The following AGBL1 variants were observed in gnomAD, a reference collection of about 807,000 sequenced individuals.
AGBL1 encodes the protein AGBL carboxypeptidase 1.
AGBL1 carries 130 observed loss-of-function variants against 118.9 expected under a neutral mutation model. That is an observed-to-expected ratio of 1.09 (90% CI 0.95 to 1.26). The LOEUF is 1.26. Among genes scored for constraint, AGBL1 ranks in the 50% most tolerant of loss-of-function variants. AGBL1 has a pLI of 0.00. For synonymous variants in AGBL1, 555 were observed against 478.9 expected, an observed-to-expected ratio of 1.16 and a Z score of -2.08; for missense variants, 1,584 against 1,298.1, an observed-to-expected ratio of 1.22 and a Z score of -3.38.
chr15:86,835,934 GC>G (rs778233491), intron 22 of AGBL1, among the ~76,000 whole-genome samples: 114 of 152,078 alleles, frequency 7.5e-4, no homozygotes, highest in Non-Finnish European at 1.1e-3. Flanking sequence ...AGGTCTATGG[GC>G]CAGATCACAC....
chr15:86,657,684 A>G (rs2447280), intron 21 of AGBL1, among the ~76,000 whole-genome samples: 2 of 152,114 alleles, frequency 1.3e-5, no homozygotes, highest in Non-Finnish European at 2.9e-5. Context: ...ATCACAGTAT[A>G]ATTTATGTCT....
At chr15:86,798,624 A>G (rs1318482497) in intron 22 of AGBL1, among the ~76,000 whole-genome samples, 1 of 151,546 alleles carries the variant, frequency 6.6e-6, no homozygotes, top group Non-Finnish European at 1.5e-5. Context: ...TTTGATAAAT[A>G]TTATTTATTT....
intron 18 of AGBL1, among the ~76,000 whole-genome samples, chr15:86,517,562 T>C (rs997034538): frequency 1.3e-5 from 2 of 152,210 alleles, no homozygotes; most frequent in African/African-American, 4.8e-5. Flanking sequence ...GGCTTTCCCA[T>C]TTCTGGGCTC....
At position 86,256,874 on chromosome 15, in the gene AGBL1, A is replaced by C; in HGVS notation, c.757A>C (p.Met253Leu). 6.2e-7 allele frequency: 1 copy of C among 1,613,882 alleles called. No homozygotes were observed. The highest frequency in any genetic ancestry group is 8.5e-7 in the Non-Finnish European group (1 of 1,179,860). ...TTQNCLDDKSMEPVISVVLQI... is the reference protein window; with the variant it reads ...TTQNCLDDKSLEPVISVVLQI... ...TCAGAACTGCCTGGATGACAAGAGC[A>C]TGGAGCCCGTCATCTCTGTGGTGCT... Residue 253 changes from methionine to leucine, a missense_variant, in exon 8 of 23, where the codon ATG becomes CTG. Physicochemically the swap from Met to Leu is conservative, Grantham distance 15. Transcript: ENST00000614907.
chr15:86,357,051 C>T (rs895834613), intron 17 of AGBL1, among the ~76,000 whole-genome samples: 1 of 152,120 alleles, frequency 6.6e-6, no homozygotes, highest in South Asian at 2.1e-4. Flanking sequence ...AGAGCTTATT[C>T]GTGAATGAAA....
chr15:86,282,115 G>A (rs900077124), intron 16 of AGBL1, among the ~76,000 whole-genome samples: 1 of 152,030 alleles, frequency 6.6e-6, no homozygotes, highest in African/African-American at 2.4e-5. Flanking sequence ...CTTACCTTCT[G>A]GGCACAGTTT....
intron 5 of AGBL1, among the ~76,000 whole-genome samples, chr15:86,187,883 C>CT (rs2077658029): frequency 6.6e-6 from 1 of 152,196 alleles, no homozygotes; most frequent in African/African-American, 2.4e-5. Flanking sequence ...TTTTACGTTG[C>CT]TTTATTTCCC....
At chr15:86,143,573 T>C in intron 2 of AGBL1, 126 bp from the exon 3 acceptor site, 1 of 1,209,124 alleles carries the variant, frequency 8.3e-7, no homozygotes. Flanking sequence ...CTTCAAGAAC[T>C]ACATAATTTT....
At chr15:86,479,980 C>G (rs1303147591) in intron 18 of AGBL1, among the ~76,000 whole-genome samples, 1 of 151,328 alleles carries the variant, frequency 6.6e-6, no homozygotes, top group Non-Finnish European at 1.5e-5. Flanking sequence ...CAAACTATCG[C>G]AAGGACAAAA....
intron 5 of AGBL1, among the ~76,000 whole-genome samples, chr15:86,213,928 C>T (rs771775993): frequency 6.6e-6 from 1 of 152,134 alleles, no homozygotes; most frequent in Non-Finnish European, 1.5e-5. Context: ...ACTCCCCTTC[C>T]CCTCAACCCC....
chr15:86,551,265 G>C (rs1460979948), intron 20 of AGBL1, among the ~76,000 whole-genome samples: 2 of 151,952 alleles, frequency 1.3e-5, no homozygotes, highest in Non-Finnish European at 2.9e-5. Flanking sequence ...GAACAATAGA[G>C]AATCCATAAA....
chr15:86,484,342 G>A (rs557798339), intron 18 of AGBL1, among the ~76,000 whole-genome samples: 74 of 152,116 alleles, frequency 4.9e-4, no homozygotes, highest in Non-Finnish European at 6.5e-4. Context: ...GGAGGGCAGC[G>A]AATCATTTTT....
rs759400563 is a variant in AGBL1 at position 86,714,517 on chromosome 15, TG to T, written c.3158+40083del. 6.9e-4 allele frequency among the ~76,000 whole-genome samples: 105 copies of T among 152,188 alleles called. 1 individual carries two copies. The highest frequency in any genetic ancestry group is 4.6e-4 in the Admixed American group (7 of 15,284). On this transcript the variant is annotated intron_variant, in intron 22 of 22. Coordinates refer to ENST00000614907, the MANE Select transcript of AGBL1 (RefSeq NM_001386094.1). ...GTGTGCAGATAATCAGGAGCCTGAG[TG>T]GTATGAGACATCATGGAGTGGTGTG...
intron 24 of AGBL1, among the ~76,000 whole-genome samples, chr15:86,997,448 A>G (rs2081390641): frequency 6.6e-6 from 1 of 152,210 alleles, no homozygotes; most frequent in Admixed American, 6.5e-5. Flanking sequence ...CATGTCAAAA[A>G]TAATTGAAGA....
intron 18 of AGBL1, among the ~76,000 whole-genome samples, chr15:86,486,327 T>C: frequency 6.6e-6 from 1 of 152,152 alleles, no homozygotes; most frequent in Non-Finnish European, 1.5e-5. Context: ...CATATTCTTC[T>C]AGGTTCAGGA....
chr15:86,299,255 A>G (rs1026174333), intron 17 of AGBL1, among the ~76,000 whole-genome samples: 1 of 152,184 alleles, frequency 6.6e-6, no homozygotes, highest in Non-Finnish European at 1.5e-5. Context: ...TCAGTGGGAC[A>G]GTGAACAGGG....
chr15:86,797,801 C>T (rs531972246), intron 22 of AGBL1, among the ~76,000 whole-genome samples: 1 of 152,202 alleles, frequency 6.6e-6, no homozygotes, highest in African/African-American at 2.4e-5. Context: ...GAAGAACCTG[C>T]AAAGGGAAGG....
At chr15:87,031,313 G>C (rs2081780331), downstream of AGBL1, among the ~76,000 whole-genome samples, 1 of 151,828 alleles carries the variant, frequency 6.6e-6, no homozygotes, top group African/African-American at 2.4e-5. Flanking sequence ...ATTGGAAAAA[G>C]AAGACATATT....
At chr15:86,520,164 A>G (rs534422446) in intron 18 of AGBL1, among the ~76,000 whole-genome samples, 3 of 152,214 alleles carry the variant, frequency 2.0e-5, no homozygotes, top group Non-Finnish European at 4.4e-5. Context: ...CAATGAATGT[A>G]GTCAAAGTTG....
Sources: allele counts gnomAD v4.1 joint callset (sites outside exome capture counted in the v4.1 genomes callset), GRCh38; gene constraint gnomAD v4.1.1; transcripts MANE v1.5; gene names NCBI Gene and HGNC (gene_info 2026-07-23, HGNC 2026-07-21).